Variants in ENTREP2 observed in about 807,000 individuals in gnomAD.
ENTREP2 encodes endosomal transmembrane epsin interactor 2.
chr15:29,664,560 G>T, the ENTREP2 span, among the ~76,000 whole-genome samples: 6 of 152,006 alleles, frequency 3.9e-5, no homozygotes, highest in African/African-American at 1.5e-4. Context: ...TGTGGGTATG[G>T]CCTGGGTGCT....
At chr15:29,314,056 C>T in the ENTREP2 span, among the ~76,000 whole-genome samples, 25,999 of 152,164 alleles carry the variant, frequency 0.17, 2,759 homozygotes, top group Non-Finnish European at 0.24. Context: ...AAAGATGTGG[C>T]TAAATTGTTG....
At chr15:29,578,138 A>G in the ENTREP2 span, among the ~76,000 whole-genome samples, 4 of 152,228 alleles carry the variant, frequency 2.6e-5, no homozygotes, top group Non-Finnish European at 5.9e-5. Flanking sequence ...TCTCAAATCC[A>G]CGAGGATGGC....
chr15:29,155,820 T>C, the ENTREP2 span, among the ~76,000 whole-genome samples: 10 of 152,160 alleles, frequency 6.6e-5, no homozygotes, highest in African/African-American at 2.2e-4. Context: ...TGTGTTCATT[T>C]TGGGGGGCTG....
chr15:29,328,331 T>C, the ENTREP2 span, among the ~76,000 whole-genome samples: 1 of 152,224 alleles, frequency 6.6e-6, no homozygotes, highest in Admixed American at 6.5e-5. Context: ...TGAACTATTT[T>C]TATGATATGT....
the ENTREP2 span, among the ~76,000 whole-genome samples, chr15:29,559,810 G>A: frequency 1.3e-5 from 2 of 152,146 alleles, no homozygotes; most frequent in Admixed American, 6.5e-5. Context: ...AATCACATCC[G>A]CAAAGTCCCT....
chr15:29,264,402 A>G, the ENTREP2 span, among the ~76,000 whole-genome samples: 1 of 152,198 alleles, frequency 6.6e-6, no homozygotes, highest in Admixed American at 6.5e-5. Flanking sequence ...GTTTACCTTA[A>G]AGGAGAAAAC....
the ENTREP2 span, among the ~76,000 whole-genome samples, chr15:29,179,875 G>A: frequency 5.7e-4 from 87 of 152,204 alleles, no homozygotes; most frequent in African/African-American, 1.9e-3. Flanking sequence ...GTGAGCCACC[G>A]CGCCCAGCCA....
At chr15:29,567,855 A>G in the ENTREP2 span, among the ~76,000 whole-genome samples, 1 of 152,244 alleles carries the variant, frequency 6.6e-6, no homozygotes, top group Admixed American at 6.5e-5. Flanking sequence ...CTAGAAAGCC[A>G]TATGTTGCTA....
the ENTREP2 span, among the ~76,000 whole-genome samples, chr15:29,440,380 G>A: frequency 6.6e-6 from 1 of 152,132 alleles, no homozygotes; most frequent in South Asian, 2.1e-4. Context: ...CATCCTACAT[G>A]TGGGGAAATA....
At chr15:29,559,377 G>T in the ENTREP2 span, among the ~76,000 whole-genome samples, 3 of 152,068 alleles carry the variant, frequency 2.0e-5, no homozygotes, top group African/African-American at 7.2e-5. Context: ...TGGACCACCA[G>T]CAGGTAAACA....
the ENTREP2 span, among the ~76,000 whole-genome samples, chr15:29,483,021 G>A: frequency 2.0e-5 from 3 of 152,130 alleles, no homozygotes; most frequent in African/African-American, 7.2e-5. Context: ...CAGTGTTTTG[G>A]CTTTTAGCCA....
At chr15:29,659,988 G>C in the ENTREP2 span, among the ~76,000 whole-genome samples, 1 of 151,926 alleles carries the variant, frequency 6.6e-6, no homozygotes, top group African/African-American at 2.4e-5. Flanking sequence ...TTTTAGTAGA[G>C]ACAAGGTTTC....
the ENTREP2 span, among the ~76,000 whole-genome samples, chr15:29,210,856 C>T: frequency 2.6e-5 from 4 of 152,164 alleles, no homozygotes. Flanking sequence ...TCCCAGGTAC[C>T]TTTTAAGATA....
At chr15:29,138,412 G>GC in the ENTREP2 span, among the ~76,000 whole-genome samples, 1 of 152,176 alleles carries the variant, frequency 6.6e-6, no homozygotes, top group Non-Finnish European at 1.5e-5. Context: ...TCCAGTCAAT[G>GC]CCGCCCTATG....
the ENTREP2 span, among the ~76,000 whole-genome samples, chr15:29,292,292 T>C: frequency 6.6e-6 from 1 of 152,144 alleles, no homozygotes. Context: ...CTTCCTTTCT[T>C]TCCTTCTTTT....
chr15:29,501,253 G>A, the ENTREP2 span, among the ~76,000 whole-genome samples: 1 of 143,880 alleles, frequency 7.0e-6, no homozygotes, highest in Non-Finnish European at 1.5e-5. Context: ...TAACCGTTGT[G>A]ACTACAGATG....
the ENTREP2 span, among the ~76,000 whole-genome samples, chr15:29,363,138 T>TAA: frequency 3.9e-5 from 6 of 152,118 alleles, no homozygotes; most frequent in Admixed American, 1.3e-4. Flanking sequence ...GCTTCATCTT[T>TAA]AATGTGACCA....
chr15:29,262,359 C>T, the ENTREP2 span, among the ~76,000 whole-genome samples: 1 of 152,210 alleles, frequency 6.6e-6, no homozygotes, highest in Non-Finnish European at 1.5e-5. Flanking sequence ...AAGAGTCCTG[C>T]CCCAAACCCT....
chr15:29,233,788 T>C, the ENTREP2 span: 1 of 1,553,324 alleles, frequency 6.4e-7, no homozygotes, highest in African/African-American at 1.4e-5. Context: ...GGTGTCCAGA[T>C]GCCTCAACAG....
Sources: gnomAD v4.1 joint callset for allele counts (sites outside exome capture counted in the v4.1 genomes callset) on GRCh38, gnomAD v4.1.1 for gene constraint, MANE v1.5 for transcripts, NCBI Gene and HGNC (gene_info 2026-07-23, HGNC 2026-07-21) for gene names.